Variants in MECOM observed in about 807,000 individuals in gnomAD.
The protein encoded by MECOM is MDS1 and EVI1 complex locus, also known as histone-lysine N-methyltransferase MECOM.
A neutral mutation model predicts 116.3 loss-of-function variants in MECOM; 13 were observed. The observed-to-expected ratio is 0.11, with a 90% CI of 0.07 to 0.18. The LOEUF (loss-of-function observed/expected upper bound fraction) is 0.18. Ranked by LOEUF, MECOM falls within the 10% of genes least tolerant of loss-of-function variation. The pLI is 1.00. For synonymous variants in MECOM, 528 were observed against 535.2 expected (o/e 0.99, Z 0.19); for missense variants, 1,299 against 1,509.0 (o/e 0.86, Z 2.31).
intron 1 of MECOM, among the ~76,000 whole-genome samples, chr3:169,538,803 C>T (rs555273746): frequency 6.6e-6 from 1 of 152,206 alleles, no homozygotes; most frequent in Non-Finnish European, 1.5e-5. Flanking sequence ...GTTGGTGGTG[C>T]TTGAAACTAT....
chr3:169,456,746 G>T (rs1282447630), intron 1 of MECOM, among the ~76,000 whole-genome samples: 1 of 152,110 alleles, frequency 6.6e-6, no homozygotes. Context: ...GGACCACATA[G>T]CTGCATGGTT....
chr3:169,138,543 T>C (rs920684641), intron 3 of MECOM, among the ~76,000 whole-genome samples: 6 of 152,168 alleles, frequency 3.9e-5, no homozygotes, highest in African/African-American at 1.4e-4. Flanking sequence ...TCTCTGGGTA[T>C]TGCCAGCTGG....
chr3:169,355,774 C>T (rs1290945007), intron 2 of MECOM, among the ~76,000 whole-genome samples: 2 of 151,610 alleles, frequency 1.3e-5, no homozygotes, highest in Admixed American at 1.3e-4. Flanking sequence ...ACTTAATAAG[C>T]AAAGCTAACT....
At chr3:169,649,752 T>A (rs2110076788) in intron 1 of MECOM, among the ~76,000 whole-genome samples, 1 of 152,312 alleles carries the variant, frequency 6.6e-6, no homozygotes, top group Admixed American at 6.5e-5. Flanking sequence ...ACCAAAAAAG[T>A]ACGCATTTGA....
rs138071259 is a variant in MECOM, at chr3:169,487,216, G to A, written c.38-105692C>T. Among the ~76,000 whole-genome samples, 120 of 152,078 alleles carry A rather than the reference G, an allele frequency of 7.9e-4. No homozygotes were observed. In the East Asian group the frequency reaches 0.019, roughly 24 times the overall value. On this transcript the variant is annotated intron_variant, in intron 1 of 16. Transcript: ENST00000651503. ...CTTCAAGAAGAATAATATTGAACCC[G>A]GAAGGAAGGAGTAGGATACAAGAAA...
chr3:169,660,716 G>A (rs1051840287), intron 1 of MECOM, among the ~76,000 whole-genome samples: 2 of 152,190 alleles, frequency 1.3e-5, no homozygotes, highest in African/African-American at 4.8e-5. Flanking sequence ...TGAAGTTTTC[G>A]TTGGATGATT....
chr3:169,187,140 A>G (rs1746889286), intron 2 of MECOM, among the ~76,000 whole-genome samples: 1 of 152,140 alleles, frequency 6.6e-6, no homozygotes, highest in South Asian at 2.1e-4. Context: ...ATAGTCTTCA[A>G]TGGGGACTAC....
chr3:169,596,928 A>AG (rs1459703871), intron 1 of MECOM, among the ~76,000 whole-genome samples: 1 of 152,138 alleles, frequency 6.6e-6, no homozygotes, highest in Non-Finnish European at 1.5e-5. Flanking sequence ...ATTCAAATAG[A>AG]GTGTATCAAA....
At chr3:169,377,964 C>T (rs879670939) in intron 2 of MECOM, among the ~76,000 whole-genome samples, 1 of 152,076 alleles carries the variant, frequency 6.6e-6, no homozygotes, top group Non-Finnish European at 1.5e-5. Flanking sequence ...AAATGTGGTA[C>T]ATATACACCA....
intron 1 of MECOM, among the ~76,000 whole-genome samples, chr3:169,592,319 G>C (rs1272165004): frequency 3.9e-5 from 6 of 152,200 alleles, no homozygotes; most frequent in African/African-American, 7.2e-5. Flanking sequence ...GCTGCCTCCA[G>C]TCCAGAAGGC....
chr3:169,369,524 A>G (rs955651559), intron 2 of MECOM, among the ~76,000 whole-genome samples: 1 of 151,086 alleles, frequency 6.6e-6, no homozygotes, highest in African/African-American at 2.4e-5. Flanking sequence ...TTTTTAATTT[A>G]TTTTTTGTAA....
At chr3:169,381,660 T>A in intron 1 of MECOM, 136 bp from the exon 2 acceptor site, 1 of 696,558 alleles carries the variant, frequency 1.4e-6, no homozygotes. Flanking sequence ...TTCATTAAAA[T>A]CTTTATTATT....
intron 2 of MECOM, among the ~76,000 whole-genome samples, chr3:169,378,453 GAA>G (rs1267136809): frequency 2.3e-5 from 1 of 43,080 alleles, no homozygotes; most frequent in African/African-American, 1.9e-4. Flanking sequence ...AAGAAAGAAG[GAA>G]AGCAAGCAAG....
intron 10 of MECOM, 84 bp from the exon 11 acceptor site, chr3:169,102,310 A>T: frequency 7.6e-7 from 1 of 1,320,670 alleles, no homozygotes; most frequent in Non-Finnish European, 1.0e-6. Context: ...ACATCATTAA[A>T]AGGGAAGCAT....
chr3:169,439,786 G>A (rs1278228550), intron 1 of MECOM, among the ~76,000 whole-genome samples: 1 of 151,438 alleles, frequency 6.6e-6, no homozygotes, highest in African/African-American at 2.5e-5. Context: ...ATGAAAAACT[G>A]CAAACCCAAA....
chr3:169,297,536 T>C (rs1188156926), intron 2 of MECOM, among the ~76,000 whole-genome samples: 1 of 152,176 alleles, frequency 6.6e-6, no homozygotes, highest in Non-Finnish European at 1.5e-5. Context: ...TGATTTTTTT[T>C]TTTTAACAGA....
At chr3:169,533,774 C>A (rs1196567690) in intron 1 of MECOM, among the ~76,000 whole-genome samples, 1 of 151,978 alleles carries the variant, frequency 6.6e-6, no homozygotes, top group East Asian at 1.9e-4. Flanking sequence ...CCTTTCCAAC[C>A]TGGATAGGTT....
At chr3:169,546,736 A>G (rs1334924762) in intron 1 of MECOM, among the ~76,000 whole-genome samples, 1 of 151,122 alleles carries the variant, frequency 6.6e-6, no homozygotes, top group Non-Finnish European at 1.5e-5. Flanking sequence ...AGAGAAAGGA[A>G]GGAAAAAAAA....
At chr3:169,173,017 T>G (rs1263219656) in intron 2 of MECOM, among the ~76,000 whole-genome samples, 1 of 152,222 alleles carries the variant, frequency 6.6e-6, no homozygotes, top group African/African-American at 2.4e-5. Context: ...GATTTTTCCA[T>G]AGTTTACTCT....
Sources: allele counts gnomAD v4.1 joint callset (sites outside exome capture counted in the v4.1 genomes callset), GRCh38; gene constraint gnomAD v4.1.1; transcripts MANE v1.5; gene names NCBI Gene and HGNC (gene_info 2026-07-23, HGNC 2026-07-21).